NUP93: variants seen among roughly 807,000 people sequenced by gnomAD.
The protein encoded by NUP93 is nucleoporin 93.
In NUP93, 55 loss-of-function variants were observed where a neutral mutation model predicts 107.8. That is an observed-to-expected ratio of 0.51 (90% CI 0.41 to 0.64). NUP93 has a LOEUF of 0.64. Among genes scored for constraint, NUP93 ranks in the 30% least tolerant of loss-of-function variants. The probability of loss-of-function intolerance (pLI) is 0.00; values close to 1 mark genes in which losing one functional copy is unlikely to be tolerated. For synonymous variants in NUP93, 390 were observed against 397.5 expected (o/e 0.98, Z 0.22); for missense variants, 937 against 1,044.7 (o/e 0.90, Z 1.42).
intron 5 of NUP93, among the ~76,000 whole-genome samples, chr16:56,806,298 T>A (rs1353478988): frequency 6.6e-6 from 1 of 151,942 alleles, no homozygotes; most frequent in African/African-American, 2.4e-5. Context: ...CAGTTAACCC[T>A]ACCTTAAAAT....
rs187317549 is a variant in NUP93, at chr16:56,838,855, A to G, written c.2019-97A>G. 26 of 846,006 alleles carry G rather than the reference A, an allele frequency of 3.1e-5. No individual in the cohort carries two copies. The East Asian group carries it at 6.5e-4, about 21-fold the overall frequency. 52.4% of individuals were successfully genotyped at this position (846,006 alleles called of 1,614,324 possible). The stretch of plus-strand genomic sequence containing the variant: ...GCTGAGATTACAGGCATGAGCGACC[A>G]CACCCCACTGTTTTTTTAAATGCTA... On this transcript the variant is annotated intron_variant, in intron 18 of 21. Coordinates refer to ENST00000308159, the MANE Select transcript of NUP93 (RefSeq NM_014669.5).
chr16:56,760,590 C>T (rs1377601066), intron 3 of NUP93, among the ~76,000 whole-genome samples: 2 of 152,056 alleles, frequency 1.3e-5, no homozygotes, highest in African/African-American at 2.4e-5. Context: ...GGGCGGGTGC[C>T]ACTTTCAAAC....
chr16:56,777,851 T>A (rs1163040898), intron 3 of NUP93, among the ~76,000 whole-genome samples: 5 of 152,210 alleles, frequency 3.3e-5, no homozygotes, highest in Non-Finnish European at 4.4e-5. Context: ...TGAAAAGATT[T>A]GAAAGAACAA....
rs372414924 is a variant in NUP93, at chr16:56,832,247, C to T, written c.1252-48C>T. The T allele has an allele frequency of 1.0e-5, 15 of 1,488,870 alleles. No homozygotes were observed. The African/African-American group carries it at 1.8e-4, about 18-fold the overall frequency. 92.2% of individuals were successfully genotyped at this position (1,488,870 alleles called of 1,614,324 possible). A position where few individuals can be genotyped will look rare whatever the true frequency, so the allele number is the denominator to read the frequency against. ...AACAGCTACAACTCTGTGCATGTGG[C>T]TCAGGGTGTCATTTGTACCAATGCA... On this transcript the variant is annotated intron_variant, in intron 11 of 21. Transcript: ENST00000308159.
chr16:56,759,397 A>G (rs144749443), intron 3 of NUP93, among the ~76,000 whole-genome samples: 1 of 152,344 alleles, frequency 6.6e-6, no homozygotes, highest in Non-Finnish European at 1.5e-5. Context: ...GAAATGGGCA[A>G]TATTATTTGG....
chr16:56,782,093 TG>T (rs1177310875), intron 3 of NUP93: 5 of 985,258 alleles, frequency 5.1e-6, no homozygotes, highest in Non-Finnish European at 6.0e-6. Context: ...TCAGGCAGTT[TG>T]GGGTGGGAAA....
intron 3 of NUP93, among the ~76,000 whole-genome samples, chr16:56,774,348 G>A (rs1962374025): frequency 1.3e-5 from 2 of 152,148 alleles, no homozygotes; most frequent in Non-Finnish European, 2.9e-5. Context: ...TCATTAACCT[G>A]ATTTCTCTGC....
At chr16:56,819,173 C>T (rs1963494687) in intron 6 of NUP93, among the ~76,000 whole-genome samples, 1 of 152,112 alleles carries the variant, frequency 6.6e-6, no homozygotes, top group Admixed American at 6.5e-5. Context: ...CTACTTAATA[C>T]CACTGTTGTC....
At chr16:56,844,473 C>A (rs1428323316) in intron 21 of NUP93, 26 bp from the exon 22 acceptor site, 3 of 1,343,888 alleles carry the variant, frequency 2.2e-6, no homozygotes, top group Middle Eastern at 1.9e-4. Flanking sequence ...AACCGATTTC[C>A]TTCCCTTCCT....
rs543771677 is a variant in NUP93 at position 56,810,657 on chromosome 16, A to C, written c.489+5025A>C. Among the ~76,000 whole-genome samples, 205 of 152,214 alleles carry C rather than the reference A, an allele frequency of 1.3e-3. 1 individual carries two copies. The highest frequency in any genetic ancestry group is 4.0e-3 in the African/African-American group (164 of 41,490). On this transcript the variant is annotated intron_variant, in intron 5 of 21. Transcript: ENST00000308159. ...GAGACTCTGTCTCAAAAAATTAAAA[A>C]ATTTTTAAAAAGTGTACAACTCAAT...
intron 4 of NUP93, among the ~76,000 whole-genome samples, chr16:56,801,381 A>T (rs1963018094): frequency 6.6e-6 from 1 of 152,186 alleles, no homozygotes; most frequent in African/African-American, 2.4e-5. Context: ...GCTGGGGGTG[A>T]TGCAATTAAG....
Position 56,799,190 on chromosome 16 carries a change from C to T in NUP93, c.360+652C>T, listed in dbSNP as rs1046678275. Among the ~76,000 whole-genome samples, 7 of 152,238 alleles carry T rather than the reference C, an allele frequency of 4.6e-5. No individual in the cohort carries two copies. In the South Asian group the frequency reaches 1.5e-3, roughly 32 times the overall value. Reference sequence around the variant, plus strand: ...AGTTCAGAAAAGCAGCTGACAATTTCCTTCAACTTAGTTTCCTTTTATTAC... The same window carrying T: ...AGTTCAGAAAAGCAGCTGACAATTTTCTTCAACTTAGTTTCCTTTTATTAC... On this transcript the variant is annotated intron_variant, in intron 4 of 21. Transcript: ENST00000308159.
chr16:56,734,268 T>C (rs1961576923), intron 1 of NUP93, among the ~76,000 whole-genome samples: 2 of 152,130 alleles, frequency 1.3e-5, no homozygotes, highest in South Asian at 4.1e-4. Flanking sequence ...TTTGAAGGAA[T>C]TAAGGGGGTT....
intron 5 of NUP93, among the ~76,000 whole-genome samples, chr16:56,817,881 T>C (rs1963465610): frequency 6.6e-6 from 1 of 152,364 alleles, no homozygotes; most frequent in East Asian, 1.9e-4. Flanking sequence ...TGGAGTAGGC[T>C]AAACCGTCTA....
rs1397803779 is a variant in NUP93, at chr16:56,805,582, A to G, written c.439A>G (p.Thr147Ala). The G allele has an allele frequency of 1.2e-6, 2 of 1,614,022 alleles. No homozygotes were observed. Among genetic ancestry groups the G allele is most frequent in the Admixed American group, 1.7e-5 (1 of 60,004 alleles). ...WEQVKQRILH[T>A]LLASGEDALD... ...GCAAGTGAAACAGCGAATTCTGCACACACTGCTGGCATCAGGAGAAGACGC... is the reference window on the plus strand; with the variant it reads ...GCAAGTGAAACAGCGAATTCTGCACGCACTGCTGGCATCAGGAGAAGACGC... The change falls in exon 5 of 22, where the codon ACA becomes GCA. Residue 147 changes from threonine (T) to alanine (A), a missense_variant. Transcript: ENST00000308159.
At chr16:56,786,433 C>T (rs1962629294) in intron 3 of NUP93, among the ~76,000 whole-genome samples, 1 of 152,224 alleles carries the variant, frequency 6.6e-6, no homozygotes, top group South Asian at 2.1e-4. Context: ...GCATCTGACT[C>T]CATTTCTTTC....
chr16:56,829,526 A>G (rs1228714373), intron 9 of NUP93, among the ~76,000 whole-genome samples: 1 of 152,202 alleles, frequency 6.6e-6, no homozygotes, highest in Non-Finnish European at 1.5e-5. Context: ...ATTATCATAC[A>G]GTAATGCAAA....
intron 2 of NUP93, among the ~76,000 whole-genome samples, chr16:56,751,711 C>G (rs1466039511): frequency 6.6e-6 from 1 of 152,128 alleles, no homozygotes; most frequent in Non-Finnish European, 1.5e-5. Context: ...TGAACCCAGG[C>G]CTCCTGACAT....
At chr16:56,771,953 A>G (rs1200051832) in intron 3 of NUP93, among the ~76,000 whole-genome samples, 1 of 152,128 alleles carries the variant, frequency 6.6e-6, no homozygotes, top group Non-Finnish European at 1.5e-5. Context: ...TGTTTTTGCC[A>G]TTATTTTGCT....
Sources: allele counts gnomAD v4.1 joint callset (sites outside exome capture counted in the v4.1 genomes callset), GRCh38; gene constraint gnomAD v4.1.1; transcripts MANE v1.5; gene names NCBI Gene and HGNC (gene_info 2026-07-23, HGNC 2026-07-21).